The following GRID2 variants were observed in gnomAD, a reference collection of about 807,000 sequenced individuals.
The protein encoded by GRID2 is glutamate ionotropic receptor delta type subunit 2.
In GRID2, 33 loss-of-function variants were observed where a neutral mutation model predicts 114.8. The ratio of observed to expected loss-of-function variants is 0.29; its 90% CI spans 0.22 to 0.38. The LOEUF (loss-of-function observed/expected upper bound fraction) is 0.38, where lower values mean the gene tolerates loss of function less well. Among genes scored for constraint, GRID2 ranks in the 10% least tolerant of loss-of-function variants. GRID2 has a pLI of 1.00. For missense variants in GRID2, 1,184 were observed against 1,257.7 expected, an observed-to-expected ratio of 0.94 and a Z score of 0.89; for synonymous variants, 505 against 449.9, an observed-to-expected ratio of 1.12 and a Z score of -1.55.
rs575382278 is a variant in GRID2, at chr4:93,422,928, A to G, written c.1505A>G (p.Asp502Gly). Residue 502 changes from aspartate to glycine, a missense_variant, in exon 10 of 16, where the codon GAT becomes GGT. Around this residue, in one of 3 missense-constraint regions of GRID2, gnomAD observed 717 missense variants for 796.9 expected, o/e 0.90. Coordinates refer to ENST00000282020, the MANE Select transcript of GRID2 (RefSeq NM_001510.4). ...PDHKYGSPQE[D>G]GTWNGLVGEL... is the part of the protein sequence containing the mutation. ...CACAAATACGGAAGCCCACAAGAAGATGGGACATGGAATGGCTTGGTAGGA... is the reference window on the plus strand; with the variant it reads ...CACAAATACGGAAGCCCACAAGAAGGTGGGACATGGAATGGCTTGGTAGGA... 1.2e-6 allele frequency: 2 copies of G among 1,613,708 alleles called. No individual in the cohort carries two copies. Among genetic ancestry groups the G allele is most frequent in the African/African-American group, 2.7e-5 (2 of 75,030 alleles).
chr4:93,624,223 TA>T (rs1742479758), intron 13 of GRID2, among the ~76,000 whole-genome samples: 1 of 152,124 alleles, frequency 6.6e-6, no homozygotes. Flanking sequence ...ATTTTTAAAA[TA>T]CTTTTTCACT....
intron 1 of GRID2, among the ~76,000 whole-genome samples, chr4:92,545,711 A>G (rs1486634225): frequency 6.6e-6 from 1 of 152,076 alleles, no homozygotes; most frequent in Non-Finnish European, 1.5e-5. Flanking sequence ...ATGGTGCTTT[A>G]TTTTCCATTT....
intron 2 of GRID2, among the ~76,000 whole-genome samples, chr4:92,916,278 C>T (rs566181109): frequency 3.9e-5 from 6 of 152,062 alleles, no homozygotes; most frequent in Non-Finnish European, 8.8e-5. Flanking sequence ...TTTCAATATT[C>T]TGCATATGGC....
intron 1 of GRID2, among the ~76,000 whole-genome samples, chr4:93,795,015 G>A (rs1477810022): frequency 6.6e-6 from 1 of 152,120 alleles, no homozygotes; most frequent in East Asian, 1.9e-4. Context: ...AATCAAAATT[G>A]ATGACTAAGT....
intron 10 of GRID2, among the ~76,000 whole-genome samples, chr4:93,433,039 T>C (rs1027064285): frequency 6.6e-6 from 1 of 152,180 alleles, no homozygotes; most frequent in Non-Finnish European, 1.5e-5. Context: ...CACCGCACTC[T>C]AGCCTGGATG....
chr4:92,678,989 A>G (rs1395145841), intron 2 of GRID2, among the ~76,000 whole-genome samples: 1 of 145,728 alleles, frequency 6.9e-6, no homozygotes, highest in Admixed American at 6.8e-5. Context: ...TTTTTTTTTA[A>G]TCCTCCCAGT....
intron 2 of GRID2, among the ~76,000 whole-genome samples, chr4:92,682,385 C>A (rs1388083883): frequency 1.3e-5 from 2 of 152,128 alleles, no homozygotes; most frequent in African/African-American, 2.4e-5. Context: ...CCAGCAACAG[C>A]ACCATCACCT....
chr4:92,945,146 T>C (rs955978131), intron 2 of GRID2, among the ~76,000 whole-genome samples: 9 of 152,202 alleles, frequency 5.9e-5, no homozygotes, highest in African/African-American at 2.2e-4. Context: ...ATTTTATTGC[T>C]TCTATACATC....
At chr4:93,520,794 T>G (rs542709127) in intron 13 of GRID2, among the ~76,000 whole-genome samples, 3 of 152,274 alleles carry the variant, frequency 2.0e-5, no homozygotes, top group African/African-American at 7.2e-5. Context: ...ATCACTGATA[T>G]AATATTCTAT....
intron 2 of GRID2, among the ~76,000 whole-genome samples, chr4:92,762,051 C>T (rs1738038305): frequency 6.6e-6 from 1 of 151,962 alleles, no homozygotes; most frequent in Non-Finnish European, 1.5e-5. Flanking sequence ...GCCTCAGCCT[C>T]CTGAGGGCAT....
rs183650804 is a variant in GRID2, at chr4:93,150,905, T to A, written c.735+39952T>A. ...ACTTTAGGAGGCTGAGGTGGGAGGATCACTTGAGGTTAGGAGTTCAAGACC... is the reference window on the plus strand; with the variant it reads ...ACTTTAGGAGGCTGAGGTGGGAGGAACACTTGAGGTTAGGAGTTCAAGACC... On this transcript the variant is annotated intron_variant, in intron 4 of 15. Coordinates refer to ENST00000282020, the MANE Select transcript of GRID2 (RefSeq NM_001510.4). Among the ~76,000 whole-genome samples the A allele has an allele frequency of 2.1e-4, 32 of 151,906 alleles. 1 individual carries two copies. In the East Asian group the frequency reaches 6.2e-3, roughly 30 times the overall value.
chr4:93,460,563 C>T (rs1723644736), intron 11 of GRID2, among the ~76,000 whole-genome samples: 2 of 152,216 alleles, frequency 1.3e-5, no homozygotes, highest in Admixed American at 1.3e-4. Context: ...TAGTACTTAC[C>T]AACCATAGTG....
intron 2 of GRID2, among the ~76,000 whole-genome samples, chr4:92,794,905 T>TATATATATATATATATATATATATATAC (rs745392261): frequency 6.3e-5 from 8 of 127,792 alleles, no homozygotes; most frequent in African/African-American, 2.5e-4. Context: ...TATATATATA[T>TATATATATATATATATATATATATATAC]ACACACACAC....
chr4:92,790,951 G>A (rs1216457028), intron 2 of GRID2, among the ~76,000 whole-genome samples: 1 of 151,552 alleles, frequency 6.6e-6, no homozygotes, highest in Non-Finnish European at 1.5e-5. Context: ...TGTTACCTTC[G>A]GCAAGTTTAT....
chr4:92,812,076 T>A (rs1740688962), intron 2 of GRID2, among the ~76,000 whole-genome samples: 1 of 152,150 alleles, frequency 6.6e-6, no homozygotes, highest in African/African-American at 2.4e-5. Flanking sequence ...GGCTTCGCCT[T>A]AGAAAATCTG....
chr4:93,457,754 T>C (rs1723342548), intron 11 of GRID2, among the ~76,000 whole-genome samples: 1 of 152,136 alleles, frequency 6.6e-6, no homozygotes, highest in Non-Finnish European at 1.5e-5. Flanking sequence ...AGTTTTATCC[T>C]AGGTTTTTGA....
At chr4:93,534,398 A>G (rs1731818454) in intron 13 of GRID2, among the ~76,000 whole-genome samples, 1 of 152,116 alleles carries the variant, frequency 6.6e-6, no homozygotes, top group Non-Finnish European at 1.5e-5. Context: ...ACCACCTTGT[A>G]TAGCCATCTT....
intron 8 of GRID2, among the ~76,000 whole-genome samples, chr4:93,334,866 G>A (rs1445793651): frequency 6.6e-6 from 1 of 152,074 alleles, no homozygotes; most frequent in African/African-American, 2.4e-5. Flanking sequence ...GGGAGGCAGA[G>A]GTTGCGGTGA....
intron 2 of GRID2, among the ~76,000 whole-genome samples, chr4:92,628,432 C>T (rs1429047856): frequency 6.6e-6 from 1 of 152,074 alleles, no homozygotes; most frequent in East Asian, 1.9e-4. Flanking sequence ...GATCTCGGCT[C>T]ACTACAACCT....
Sources: allele counts gnomAD v4.1 joint callset (sites outside exome capture counted in the v4.1 genomes callset), GRCh38; gene constraint gnomAD v4.1.1; regional missense constraint gnomAD v4.1.1; transcripts MANE v1.5; gene names NCBI Gene and HGNC (gene_info 2026-07-23, HGNC 2026-07-21).